The following STK32A variants were observed in gnomAD, a reference collection of about 807,000 sequenced individuals.
STK32A encodes serine/threonine kinase 32A, also known as serine/threonine-protein kinase 32A.
STK32A carries 41 observed loss-of-function variants against 53.2 expected under a neutral mutation model. The observed-to-expected ratio is 0.77, with a 90% CI of 0.60 to 1.00. The LOEUF (loss-of-function observed/expected upper bound fraction) is 1.00, where lower values mean the gene tolerates loss of function less well. Ranked by LOEUF, STK32A falls within the 50% of genes least tolerant of loss-of-function variation. STK32A has a pLI of 0.00. For missense variants in STK32A, 458 were observed against 485.8 expected (o/e 0.94, Z 0.54); for synonymous variants, 166 against 162.8 (o/e 1.02, Z -0.15).
At chr5:147,266,897 T>C (rs1028527662) in intron 2 of STK32A, among the ~76,000 whole-genome samples, 38 of 151,870 alleles carry the variant, frequency 2.5e-4, no homozygotes, top group South Asian at 6.2e-4. Flanking sequence ...GTGGTGCGTG[T>C]CTGTAATCCC....
chr5:147,353,889 A>T (rs1291004202), intron 7 of STK32A, among the ~76,000 whole-genome samples: 2 of 152,162 alleles, frequency 1.3e-5, no homozygotes, highest in African/African-American at 2.4e-5. Context: ...GGTGGAATGA[A>T]TTGTTTCAGC....
chr5:147,364,947 A>G (rs781337249), intron 8 of STK32A, among the ~76,000 whole-genome samples: 8 of 152,328 alleles, frequency 5.3e-5, no homozygotes, highest in East Asian at 1.9e-4. Flanking sequence ...AAGACCAAAG[A>G]GTTGAAGACC....
intron 7 of STK32A, among the ~76,000 whole-genome samples, chr5:147,360,256 T>C (rs773838289): frequency 1.3e-5 from 2 of 151,384 alleles, no homozygotes; most frequent in African/African-American, 4.9e-5. Flanking sequence ...TCAAGACCAG[T>C]CTGGGCAACA....
At chr5:147,289,434 C>A (rs1379477575) in intron 4 of STK32A, among the ~76,000 whole-genome samples, 2 of 152,014 alleles carry the variant, frequency 1.3e-5, no homozygotes, top group East Asian at 3.9e-4. Flanking sequence ...TGCTAAAATG[C>A]CCCTAGCTTC....
chr5:147,372,699 A>G (rs1757052463), intron 9 of STK32A, among the ~76,000 whole-genome samples: 2 of 152,158 alleles, frequency 1.3e-5, no homozygotes, highest in Non-Finnish European at 2.9e-5. Flanking sequence ...TGCCGCCCCC[A>G]ATGTATTTTA....
rs527933336 is a variant in STK32A, at chr5:147,343,143, T to C, written c.472+100T>C. The C allele has an allele frequency of 7.5e-6, 10 of 1,325,978 alleles. No individual in the cohort carries two copies. In the African/African-American group the frequency reaches 1.4e-4, roughly 19 times the overall value. 82.1% of individuals were successfully genotyped at this position (1,325,978 alleles called of 1,614,324 possible). A position where few individuals can be genotyped will look rare whatever the true frequency, so the allele number is the denominator to read the frequency against. ...ATTACACATGAAAAAGGTATTTTGT[T>C]CTATTCATTCGAGCTCTACTTACAA... is the stretch of plus-strand genomic sequence containing the variant. On this transcript the variant is annotated intron_variant, in intron 6 of 12. Transcript: ENST00000397936.
intron 7 of STK32A, among the ~76,000 whole-genome samples, chr5:147,356,250 A>G (rs1364105318): frequency 6.6e-6 from 1 of 152,180 alleles, no homozygotes; most frequent in Non-Finnish European, 1.5e-5. Flanking sequence ...ATGAAGGTAG[A>G]ATGTCTGACA....
the STK32A span, chr5:147,401,818 T>A: frequency 8.4e-7 from 1 of 1,194,728 alleles, no homozygotes; most frequent in South Asian, 1.6e-5. Flanking sequence ...CTGACCTGGG[T>A]TCAAGTCCAT....
chr5:147,282,015 A>T (rs1348998614), intron 4 of STK32A, among the ~76,000 whole-genome samples: 1 of 152,208 alleles, frequency 6.6e-6, no homozygotes, highest in East Asian at 1.9e-4. Context: ...AGCATCATAT[A>T]TGAAGGAAAG....
At chr5:147,294,421 C>T (rs1227583238) in intron 4 of STK32A, among the ~76,000 whole-genome samples, 1 of 151,914 alleles carries the variant, frequency 6.6e-6, no homozygotes, top group Non-Finnish European at 1.5e-5. Context: ...ACCACCATGC[C>T]GGGCTAATTT....
chr5:147,290,315 T>C (rs1752541304), intron 4 of STK32A, among the ~76,000 whole-genome samples: 1 of 152,032 alleles, frequency 6.6e-6, no homozygotes. Context: ...CATTTGGAAA[T>C]AAAATTCAAC....
At chr5:147,396,244 T>C in the STK32A span, among the ~76,000 whole-genome samples, 1 of 152,132 alleles carries the variant, frequency 6.6e-6, no homozygotes, top group African/African-American at 2.4e-5. Flanking sequence ...GAAGTGAGTG[T>C]CTGTGGTCTG....
chr5:147,355,251 A>G (rs1444866873), intron 7 of STK32A, among the ~76,000 whole-genome samples: 4 of 152,154 alleles, frequency 2.6e-5, no homozygotes, highest in Non-Finnish European at 5.9e-5. Flanking sequence ...ACCTTCCATC[A>G]AGCAAGGAAG....
intron 5 of STK32A, among the ~76,000 whole-genome samples, chr5:147,328,669 C>A (rs982150035): frequency 3.3e-5 from 5 of 152,098 alleles, no homozygotes; most frequent in Middle Eastern, 3.2e-3. Context: ...AAATTAGGGA[C>A]AAAGTGATTA....
chr5:147,329,548 A>G (rs1465792994), intron 5 of STK32A, among the ~76,000 whole-genome samples: 1 of 152,280 alleles, frequency 6.6e-6, no homozygotes, highest in African/African-American at 2.4e-5. Context: ...CATTAATATC[A>G]AAAGGCTTTT....
Position 147,355,469 on chromosome 5 carries a change from C to A in STK32A, c.562+4315C>A, listed in dbSNP as rs190043961. ...CGGGCAGATCACAAGGTCAGGAAAT[C>A]GAGATCATCCTGGCTAACACGGTGA... On this transcript the variant is annotated intron_variant, in intron 7 of 12. Coordinates refer to ENST00000397936, the MANE Select transcript of STK32A (RefSeq NM_001112724.2). Among the ~76,000 whole-genome samples, 909 of 151,830 alleles carry A rather than the reference C, an allele frequency of 6.0e-3. 13 individuals are homozygous for A. The highest frequency in any genetic ancestry group is 0.021 in the African/African-American group (862 of 41,376).
At chr5:147,237,129 G>C (rs1007440557) in intron 1 of STK32A, among the ~76,000 whole-genome samples, 2 of 151,996 alleles carry the variant, frequency 1.3e-5, no homozygotes, top group African/African-American at 4.8e-5. Context: ...TGGCTAACAT[G>C]GTGAAACCCC....
intron 4 of STK32A, among the ~76,000 whole-genome samples, chr5:147,286,184 A>C (rs1752327779): frequency 6.6e-6 from 1 of 152,138 alleles, no homozygotes; most frequent in African/African-American, 2.4e-5. Flanking sequence ...ATTGAAAACC[A>C]AACATCATAT....
At chr5:147,290,854 G>A (rs1347382936) in intron 4 of STK32A, among the ~76,000 whole-genome samples, 1 of 152,114 alleles carries the variant, frequency 6.6e-6, no homozygotes. Context: ...GATTCACTTT[G>A]CCCAGAATGT....
Sources: allele counts gnomAD v4.1 joint callset (sites outside exome capture counted in the v4.1 genomes callset), GRCh38; gene constraint gnomAD v4.1.1; transcripts MANE v1.5; gene names NCBI Gene and HGNC (gene_info 2026-07-23, HGNC 2026-07-21).